The following TMLHE variants were observed in gnomAD, a reference collection of about 807,000 sequenced individuals.
TMLHE encodes trimethyllysine hydroxylase, epsilon.
In TMLHE, 18 loss-of-function variants were observed where a neutral mutation model predicts 25.7. The ratio of observed to expected loss-of-function variants is 0.70; its 90% CI spans 0.48 to 1.04. The LOEUF (loss-of-function observed/expected upper bound fraction) is 1.04. TMLHE is among the 50% of genes least tolerant of loss of function. TMLHE has a pLI of 0.00. For synonymous variants in TMLHE, 105 were observed against 97.0 expected (o/e 1.08, Z -0.49); for missense variants, 236 against 259.0 (o/e 0.91, Z 0.61).
chrX:155,536,664 A>G (rs2067280924), intron 2 of TMLHE, among the ~76,000 whole-genome samples: 1 of 112,247 alleles, frequency 8.9e-6, no homozygotes, highest in East Asian at 2.8e-4. Flanking sequence ...CCTTCAAAAT[A>G]TAGCTAAAAA....
chrX:155,548,502 A>AG (rs2067374678), intron 1 of TMLHE, among the ~76,000 whole-genome samples: 3 of 108,545 alleles, frequency 2.8e-5, no homozygotes, highest in Non-Finnish European at 3.8e-5. Flanking sequence ...TTGGGAGGTC[A>AG]AGGCGGGCGG....
intron 1 of TMLHE, among the ~76,000 whole-genome samples, chrX:155,598,694 A>G (rs1184035498): frequency 9.0e-6 from 1 of 110,519 alleles, no homozygotes; most frequent in Non-Finnish European, 1.9e-5. Context: ...CTAAAACTTA[A>G]AGTATAATAA....
chrX:155,573,846 G>T lies in TMLHE; in HGVS notation c.-1-28569C>A, dbSNP rs1479336905. 3.1e-4 allele frequency among the ~76,000 whole-genome samples: 15 copies of T among 48,946 alleles called. 1 individual carries two copies. The highest frequency in any genetic ancestry group is 1.2e-3 in the Admixed American group (4 of 3,460). The allele number at this position is 48,946 out of a possible 115,157, so 42.5% of individuals were successfully genotyped here. ...TGGGGACTGTTGTGGGGTGGGGGGA[G>T]GGGGGAGGGATAGCATTAGGAGATA... is the stretch of plus-strand genomic sequence containing the variant. On this transcript the variant is annotated intron_variant, in intron 1 of 7. Transcript: ENST00000334398.
intron 1 of TMLHE, among the ~76,000 whole-genome samples, chrX:155,584,154 A>AT (rs1164831942): frequency 4.5e-5 from 5 of 110,476 alleles, no homozygotes; most frequent in African/African-American, 6.6e-5. Context: ...TCAAATAGAT[A>AT]TTTTTTTAAA....
chrX:155,507,164 C>T (rs782311419), intron 5 of TMLHE, 30 bp from the exon 6 acceptor site: 3 of 1,012,714 alleles, frequency 3.0e-6, no homozygotes, highest in Admixed American at 2.3e-5. Context: ...TTCTTCTGTT[C>T]AGTGGAAGAG....
chrX:155,580,870 A>G (rs1479601539), intron 1 of TMLHE, among the ~76,000 whole-genome samples: 1 of 111,965 alleles, frequency 8.9e-6, no homozygotes, highest in Non-Finnish European at 1.9e-5. Flanking sequence ...GACACAACAA[A>G]AAAAGAGAAT....
intron 1 of TMLHE, among the ~76,000 whole-genome samples, chrX:155,608,047 TA>T (rs202095747): frequency 0.021 from 2,363 of 111,578 alleles, 27 homozygotes; most frequent in Non-Finnish European, 0.031. Flanking sequence ...TTCACATAAT[TA>T]AAAAAAATTA....
In TMLHE at chrX:155,578,760, A is replaced by G. The variant is rs1378081797; in HGVS notation, c.-1-33483T>C. 3.6e-5 allele frequency among the ~76,000 whole-genome samples: 4 copies of G among 110,565 alleles called. No individual in the cohort carries two copies. In the East Asian group the frequency reaches 1.1e-3, roughly 32 times the overall value. On this transcript the variant is annotated intron_variant, in intron 1 of 7. Transcript: ENST00000334398. The stretch of plus-strand genomic sequence containing the variant: ...CCTGTTAACACCAGAGCCAGAATAC[A>G]TGGCTCTGGGGTTCAAGGACAGGCA...
At chrX:155,535,727 A>C (rs782337280) in intron 2 of TMLHE, among the ~76,000 whole-genome samples, 8 of 111,769 alleles carry the variant, frequency 7.2e-5, no homozygotes, top group African/African-American at 1.3e-4. Flanking sequence ...TTGAAACCTA[A>C]CTAACCCCTG....
intron 1 of TMLHE, among the ~76,000 whole-genome samples, chrX:155,559,618 A>C (rs2067480967): frequency 8.9e-6 from 1 of 112,221 alleles, no homozygotes; most frequent in Non-Finnish European, 1.9e-5. Flanking sequence ...AGGCAATTAC[A>C]TAATAGGTCA....
intron 1 of TMLHE, among the ~76,000 whole-genome samples, chrX:155,559,895 A>C (rs948774758): frequency 8.9e-6 from 1 of 112,197 alleles, no homozygotes. Context: ...CACTTTCATC[A>C]TGCCATTCTC....
intron 1 of TMLHE, among the ~76,000 whole-genome samples, chrX:155,554,812 G>C (rs959595422): frequency 1.5e-4 from 17 of 109,834 alleles, no homozygotes; most frequent in Admixed American, 5.8e-4. Context: ...CTTTAAGAAA[G>C]GGGAATGGCC....
rs1416207118 is a variant in TMLHE at position 155,563,582 on chromosome X, A to G, written c.-1-18305T>C. Among the ~76,000 whole-genome samples the G allele has an allele frequency of 1.6e-4, 10 of 62,234 alleles. 3 individuals carry two copies. Among genetic ancestry groups the G allele is most frequent in the Admixed American group, 3.8e-4 (2 of 5,315 alleles). 54.0% of individuals were successfully genotyped at this position (62,234 alleles called of 115,157 possible). A position where few individuals can be genotyped will look rare whatever the true frequency, so the allele number is the denominator to read the frequency against. ...GGAAGACTGCTGGAGGATGTTTGGA[A>G]AAACAGATTAGAATTTTAGTTTTGG... On this transcript the variant is annotated intron_variant, in intron 1 of 7. Transcript: ENST00000334398.
chrX:155,527,642 G>A (rs1557336675), intron 2 of TMLHE, among the ~76,000 whole-genome samples: 2 of 111,475 alleles, frequency 1.8e-5, no homozygotes, highest in Admixed American at 9.5e-5. Context: ...TAAATAAAGT[G>A]TGTGACCCAA....
intron 2 of TMLHE, among the ~76,000 whole-genome samples, chrX:155,541,560 C>T (rs1055779696): frequency 9.0e-6 from 1 of 111,472 alleles, no homozygotes; most frequent in Non-Finnish European, 1.9e-5. Context: ...GGTATATACC[C>T]AGTAATGAGA....
intron 2 of TMLHE, among the ~76,000 whole-genome samples, chrX:155,541,110 A>G (rs1002419966): frequency 4.5e-5 from 5 of 110,410 alleles, no homozygotes; most frequent in Admixed American, 1.9e-4. Flanking sequence ...GGTTTGTTAC[A>G]TAAGTATACA....
intron 1 of TMLHE, among the ~76,000 whole-genome samples, chrX:155,552,382 T>G (rs1449737993): frequency 9.1e-6 from 1 of 110,121 alleles, no homozygotes; most frequent in East Asian, 2.8e-4. Flanking sequence ...CTTTGTGAGA[T>G]GGGTTTGAGT....
chrX:155,612,851 G>C lies in TMLHE; in HGVS notation c.-61C>G, dbSNP rs1444794924. 2 of 112,145 alleles carry C rather than the reference G, an allele frequency of 1.8e-5. No individual in the cohort carries two copies. 9.2% of individuals were successfully genotyped at this position (112,145 alleles called of 1,213,427 possible). A position where few individuals can be genotyped will look rare whatever the true frequency, so the allele number is the denominator to read the frequency against. On this transcript the variant is annotated 5_prime_UTR_variant, in exon 1 of 8. Coordinates refer to ENST00000334398, the MANE Select transcript of TMLHE (RefSeq NM_018196.4). ...GTGGGCAGAATTCCAAGCAAGGAGAGTCTCGGGAGGCAGCCTTTCACCCGC... is the reference window on the plus strand; with the variant it reads ...GTGGGCAGAATTCCAAGCAAGGAGACTCTCGGGAGGCAGCCTTTCACCCGC...
chrX:155,612,553 T>A (rs1378949315), intron 1 of TMLHE: 2 of 113,098 alleles, frequency 1.8e-5, no homozygotes, highest in Admixed American at 1.9e-4. Flanking sequence ...GGCCTCACGC[T>A]GATCTCCGGG....
Sources: allele counts gnomAD v4.1 joint callset (sites outside exome capture counted in the v4.1 genomes callset), GRCh38; gene constraint gnomAD v4.1.1; transcripts MANE v1.5; gene names NCBI Gene and HGNC (gene_info 2026-07-23, HGNC 2026-07-21).